The following FUBP1 variants were observed in gnomAD, a reference collection of about 807,000 sequenced individuals.
FUBP1 encodes far upstream element binding protein 1, also known as far upstream element-binding protein 1.
FUBP1 carries 16 observed loss-of-function variants against 94.9 expected under a neutral mutation model. The ratio of observed to expected loss-of-function variants is 0.17; its 90% CI spans 0.11 to 0.26. The LOEUF (loss-of-function observed/expected upper bound fraction) is 0.26, where lower values mean the gene tolerates loss of function less well. FUBP1 is among the 10% of genes least tolerant of loss of function. FUBP1 has a pLI of 1.00. For synonymous variants in FUBP1, 279 were observed against 254.9 expected (o/e 1.09, Z -0.90); for missense variants, 583 against 808.6 (o/e 0.72, Z 3.38).
intron 1 of FUBP1, among the ~76,000 whole-genome samples, chr1:77,974,134 G>GT (rs34146250): frequency 0.07 from 8,560 of 122,168 alleles, 367 homozygotes; most frequent in Admixed American, 0.12. Flanking sequence ...TAATTTTTTG[G>GT]TTTTTTTTTT....
chr1:77,974,426 C>T (rs760510123), intron 1 of FUBP1, among the ~76,000 whole-genome samples: 4 of 152,118 alleles, frequency 2.6e-5, no homozygotes, highest in Admixed American at 6.6e-5. Context: ...GCCACCGCGC[C>T]CAGCCTATTT....
chr1:77,964,603 T>C (rs771979312), intron 10 of FUBP1, 43 bp downstream of exon 10: 3 of 1,045,410 alleles, frequency 2.9e-6, no homozygotes, highest in Admixed American at 1.8e-5. Flanking sequence ...ATTATATTTA[T>C]GAATTAGCAT....
intron 18 of FUBP1, among the ~76,000 whole-genome samples, chr1:77,954,900 C>A (rs755322846): frequency 2.0e-4 from 31 of 152,172 alleles, no homozygotes; most frequent in Non-Finnish European, 4.0e-4. Context: ...TTCTTACCTG[C>A]TTATCTTGCA....
rs1253567427 is a variant in FUBP1 at position 77,964,983 on chromosome 1, G to A, written c.637-15C>T. On this transcript the variant is annotated splice_polypyrimidine_tract_variant and intron_variant, in intron 8 of 19. Transcript: ENST00000370768. ...CCAGCCCGTTCCTGTTACAATCATA[G>A]AAATAATATATATTAACAAAAGGAA... The A allele has an allele frequency of 1.0e-5, 16 of 1,600,406 alleles. No homozygotes were observed. The highest frequency in any genetic ancestry group is 1.3e-5 in the African/African-American group (1 of 74,568).
intron 14 of FUBP1, among the ~76,000 whole-genome samples, chr1:77,962,404 T>C (rs1215230396): frequency 2.6e-5 from 4 of 152,202 alleles, no homozygotes; most frequent in African/African-American, 9.7e-5. Context: ...CTGATTTATC[T>C]TGTTTGCCTC....
Position 77,966,949 on chromosome 1 carries a change from C to T in FUBP1, c.350G>A (p.Gly117Asp), listed in dbSNP as rs2102422507. 6.3e-7 allele frequency: 1 copy of T among 1,599,892 alleles called. No individual in the cohort carries two copies. The highest frequency in any genetic ancestry group is 8.6e-7 in the Non-Finnish European group (1 of 1,168,802). ...VPDGMVGFII[G>D]RGGEQISRIQ... is the part of the protein sequence containing the mutation. ...GCGTGAGATCTGTTCACCTCCTCTGCCAATTACTAGTTAGAAAAAAAAAAA... is the reference window on the plus strand; with the variant it reads ...GCGTGAGATCTGTTCACCTCCTCTGTCAATTACTAGTTAGAAAAAAAAAAA... The change falls in exon 6 of 20, where the codon GGC (glycine) becomes GAC (aspartate). Residue 117 changes from glycine (G) to aspartate (D), a missense_variant. By Grantham distance (94) the Gly-to-Asp change is moderately conservative. Transcript: ENST00000370768.
Position 77,961,718 on chromosome 1 carries a change from T to C in FUBP1, c.1344+1052A>G, listed in dbSNP as rs563374209. Reference sequence around the variant, plus strand: ...GCTTCTCCAAAACAATCTATCTTGTTTTTCCATGAATCCAACAGAAATCCT... The same window carrying C: ...GCTTCTCCAAAACAATCTATCTTGTCTTTCCATGAATCCAACAGAAATCCT... On this transcript the variant is annotated intron_variant, in intron 14 of 19. Transcript: ENST00000370768. Among the ~76,000 whole-genome samples, 7 of 152,322 alleles carry C rather than the reference T, an allele frequency of 4.6e-5. No individual in the cohort carries two copies. In the South Asian group the frequency reaches 1.4e-3, roughly 32 times the overall value.
rs755137242 is a variant in FUBP1, at chr1:77,964,629, T to TG, written c.837+16dup. 7.6e-7 allele frequency: 1 copy of TG among 1,314,674 alleles called. No homozygotes were observed. Among genetic ancestry groups the TG allele is most frequent in the Admixed American group, 1.7e-5 (1 of 59,256 alleles). The allele number at this position is 1,314,674 out of a possible 1,614,324, so 81.4% of individuals were successfully genotyped here. On this transcript the variant is annotated intron_variant, in intron 10 of 19. Coordinates refer to ENST00000370768, the MANE Select transcript of FUBP1 (RefSeq NM_003902.5). ...GAATTAGCATACAACCATTTCTGAA[T>TG]GGGTATTTTTACTTACATCTATCCC...
At chr1:77,949,356 T>A in intron 18 of FUBP1, 56 bp from the exon 19 acceptor site, 1 of 1,413,640 alleles carries the variant, frequency 7.1e-7, no homozygotes, top group Non-Finnish European at 9.9e-7. Context: ...CAACATCTCA[T>A]TTCTAATAAA....
intron 1 of FUBP1, among the ~76,000 whole-genome samples, chr1:77,972,594 C>CA (rs59360608): frequency 0.059 from 7,199 of 122,136 alleles, 271 homozygotes; most frequent in South Asian, 0.13. Flanking sequence ...ACTAAAAATA[C>CA]AAAAAAAAAA....
intron 12 of FUBP1, 120 bp from the exon 13 acceptor site, chr1:77,963,835 A>C: frequency 1.2e-6 from 1 of 814,560 alleles, no homozygotes; most frequent in South Asian, 1.8e-5. Flanking sequence ...GTAGAGATGA[A>C]CTGGCCCTAA....
intron 18 of FUBP1, among the ~76,000 whole-genome samples, chr1:77,952,461 C>G (rs1000737716): frequency 6.6e-5 from 10 of 151,148 alleles, no homozygotes; most frequent in Non-Finnish European, 1.5e-4. Flanking sequence ...TTAAATTAGG[C>G]TCCAAAAGCT....
intron 1 of FUBP1, 56 bp downstream of exon 1, chr1:77,978,829 A>T (rs1659279390): frequency 6.2e-7 from 1 of 1,606,602 alleles, no homozygotes; most frequent in Non-Finnish European, 8.5e-7. Context: ...CGGCCTACTC[A>T]GTCAGCGGCC....
At chr1:77,958,162 A>C (rs1297987252) in intron 16 of FUBP1, among the ~76,000 whole-genome samples, 1 of 152,218 alleles carries the variant, frequency 6.6e-6, no homozygotes, top group Non-Finnish European at 1.5e-5. Flanking sequence ...AATTTGAGAT[A>C]AAACAGACTT....
chr1:77,960,499 C>CA lies in FUBP1; in HGVS notation c.1345-5dup, dbSNP rs545766306. The CA allele has an allele frequency of 9.5e-5, 151 of 1,586,598 alleles. No homozygotes were observed. Among genetic ancestry groups the CA allele is most frequent in the Admixed American group, 1.6e-4 (9 of 54,656 alleles). On this transcript the variant is annotated splice_polypyrimidine_tract_variant and splice_region_variant and intron_variant, in intron 14 of 19. Coordinates refer to ENST00000370768, the MANE Select transcript of FUBP1 (RefSeq NM_003902.5). ...GCCCTAAAGGATTTACTGGGCCCTA[C>CA]AAAAAAAAGGATGACATAGAAAAAT... is the stretch of plus-strand genomic sequence containing the variant.
At chr1:77,955,972 A>G (rs1223261032) in intron 17 of FUBP1, among the ~76,000 whole-genome samples, 1 of 152,242 alleles carries the variant, frequency 6.6e-6, no homozygotes, top group Non-Finnish European at 1.5e-5. Context: ...AGTGCTTAAA[A>G]GAATGACAGG....
In FUBP1 at chr1:77,955,242, G is replaced by A. The variant is rs1332663054; in HGVS notation, c.1780+13C>T. On this transcript the variant is annotated intron_variant, in intron 18 of 19. Coordinates refer to ENST00000370768, the MANE Select transcript of FUBP1 (RefSeq NM_003902.5). The stretch of plus-strand genomic sequence containing the variant: ...AATTAAGTATGTATTTTCAAGAAAT[G>A]TATAAAACATACCCATTTTCTTGTA... The A allele has an allele frequency of 4.5e-6, 5 of 1,108,504 alleles. No homozygotes were observed. Among genetic ancestry groups the A allele is most frequent in the Non-Finnish European group, 5.6e-6 (4 of 719,580 alleles). The allele number at this position is 1,108,504 out of a possible 1,614,324, so 68.7% of individuals were successfully genotyped here.
At chr1:77,972,223 A>T (rs570069663) in intron 1 of FUBP1, among the ~76,000 whole-genome samples, 7 of 152,284 alleles carry the variant, frequency 4.6e-5, no homozygotes, top group African/African-American at 1.4e-4. Flanking sequence ...ACTGCTGGGT[A>T]TCGACAGGCA....
At chr1:77,955,417 G>A (rs528042968) in intron 17 of FUBP1, 88 bp from the exon 18 acceptor site, 117 of 732,274 alleles carry the variant, frequency 1.6e-4, no homozygotes, top group Non-Finnish European at 2.5e-4. Flanking sequence ...AGCTGGCAGG[G>A]GCCTGCAATG....
Sources: gnomAD v4.1 joint callset for allele counts (sites outside exome capture counted in the v4.1 genomes callset) on GRCh38, gnomAD v4.1.1 for gene constraint, MANE v1.5 for transcripts, NCBI Gene and HGNC (gene_info 2026-07-23, HGNC 2026-07-21) for gene names.